Variants in SLC13A3 observed in about 807,000 individuals in gnomAD.
The protein encoded by SLC13A3 is Na(+)/dicarboxylate cotransporter 3.
SLC13A3 carries 40 observed loss-of-function variants against 59.0 expected under a neutral mutation model. The observed-to-expected ratio is 0.68, with a 90% CI of 0.53 to 0.88. The LOEUF is 0.88. SLC13A3 is among the 40% of genes least tolerant of loss of function. The pLI is 0.00. For missense variants in SLC13A3, 699 were observed against 783.2 expected, an observed-to-expected ratio of 0.89 and a Z score of 1.28; for synonymous variants, 317 against 330.3, an observed-to-expected ratio of 0.96 and a Z score of 0.44.
chr20:46,560,042 C>T lies in SLC13A3; in HGVS notation c.1789G>A (p.Asp597Asn). The T allele has an allele frequency of 6.2e-7, 1 of 1,614,076 alleles. No individual in the cohort carries two copies. Among genetic ancestry groups the T allele is most frequent in the Non-Finnish European group, 8.5e-7 (1 of 1,180,002 alleles). Residue 597 changes from aspartate (D) to asparagine (N), a missense_variant, in exon 13 of 13, where the codon GAC becomes AAC. Coordinates refer to ENST00000279027, the MANE Select transcript of SLC13A3 (RefSeq NM_022829.6). ...VTALPPTLANDTFRTL is the reference protein window; with the variant it reads ...VTALPPTLANNTFRTL ...GGGACTCAGAGGGTCCGAAATGTGT[C>T]ATTGGCCAAGGTGGGTGGCAATGCT...
In SLC13A3 at chr20:46,613,674, C is replaced by T. The variant is rs199733679; in HGVS notation, c.163G>A (p.Glu55Lys). The T allele has an allele frequency of 2.2e-5, 36 of 1,611,344 alleles. No homozygotes were observed. In the East Asian group the frequency reaches 8.1e-4, roughly 36 times the overall value. ...GCCGTCACTGAGAGCGGCAGGGCCT[C>T]CGTGCACCAGTACACCGCCATGAGC... The part of the protein sequence containing the change: ...ILLMAVYWCT[E>K]ALPLSVTALL... The change falls in exon 2 of 13, where the codon GAG becomes AAG. Residue 55 changes from glutamate to lysine, a missense_variant. Physicochemically the swap from Glu to Lys is moderately conservative, Grantham distance 56. Coordinates refer to ENST00000279027, the MANE Select transcript of SLC13A3 (RefSeq NM_022829.6).
upstream of SLC13A3, among the ~76,000 whole-genome samples, chr20:46,654,162 C>T (rs753065739): frequency 6.6e-6 from 1 of 152,010 alleles, no homozygotes. Context: ...AAGTGGTATC[C>T]CACTGTGATT....
intron 1 of SLC13A3, among the ~76,000 whole-genome samples, chr20:46,639,970 C>G (rs1331416925): frequency 2.0e-5 from 3 of 152,160 alleles, no homozygotes; most frequent in Admixed American, 1.3e-4. Context: ...GTGAGGGAAC[C>G]ACTCGGTGCC....
chr20:46,619,673 C>T (rs117321124), intron 1 of SLC13A3, among the ~76,000 whole-genome samples: 2,210 of 152,302 alleles, frequency 0.015, 25 homozygotes, highest in Non-Finnish European at 0.02. Context: ...CAGCAGTCTA[C>T]GCTGCTTGTC....
upstream of SLC13A3, among the ~76,000 whole-genome samples, chr20:46,670,428 C>T (rs1047579968): frequency 2.6e-5 from 4 of 152,224 alleles, no homozygotes; most frequent in Non-Finnish European, 5.9e-5. Context: ...TCCCCTCCCA[C>T]ACTGACTCTG....
intron 3 of SLC13A3, among the ~76,000 whole-genome samples, 190 bp from the exon 4 acceptor site, chr20:46,600,227 A>C (rs1379427539): frequency 1.3e-4 from 11 of 87,914 alleles, no homozygotes; most frequent in Non-Finnish European, 2.4e-4. Flanking sequence ...AGAGAGGGGG[A>C]GGGAGGGAGG....
chr20:46,615,586 G>T (rs994319275), intron 1 of SLC13A3, among the ~76,000 whole-genome samples: 1 of 152,232 alleles, frequency 6.6e-6, no homozygotes, highest in Non-Finnish European at 1.5e-5. Flanking sequence ...TTGGCTGATA[G>T]ATCTGTTGTG....
At chr20:46,654,440 T>C (rs1034144214), upstream of SLC13A3, among the ~76,000 whole-genome samples, 1 of 152,232 alleles carries the variant, frequency 6.6e-6, no homozygotes, top group Non-Finnish European at 1.5e-5. Context: ...CCCTTTGCCT[T>C]ACCCAGTTTA....
At chr20:46,635,459 C>T (rs576838314) in intron 1 of SLC13A3, among the ~76,000 whole-genome samples, 1 of 152,190 alleles carries the variant, frequency 6.6e-6, no homozygotes, top group Non-Finnish European at 1.5e-5. Context: ...AGGGCTTGCT[C>T]CTTCACCTTC....
chr20:46,581,054 T>C (rs2146108808), intron 9 of SLC13A3, among the ~76,000 whole-genome samples: 1 of 152,308 alleles, frequency 6.6e-6, no homozygotes, highest in South Asian at 2.1e-4. Context: ...GTAGCCCCAC[T>C]CCACAAGAAG....
At chr20:46,651,466 C>T (rs2062951818), upstream of SLC13A3, 2 of 1,375,362 alleles carry the variant, frequency 1.5e-6, no homozygotes, top group East Asian at 3.1e-5. Flanking sequence ...GACTGCCCCG[C>T]CTGGCCCCGG....
intron 4 of SLC13A3, among the ~76,000 whole-genome samples, chr20:46,599,003 G>C (rs1249492159): frequency 6.6e-6 from 1 of 152,162 alleles, no homozygotes; most frequent in South Asian, 2.1e-4. Flanking sequence ...ATCTTCTTGT[G>C]ATGACTTCCC....
chr20:46,565,790 G>A (rs2146080413), intron 11 of SLC13A3, among the ~76,000 whole-genome samples: 1 of 152,308 alleles, frequency 6.6e-6, no homozygotes, highest in African/African-American at 2.4e-5. Context: ...TACACACCCT[G>A]TAGTGCACGG....
chr20:46,586,003 T>C (rs911020188), intron 8 of SLC13A3, among the ~76,000 whole-genome samples: 1 of 152,186 alleles, frequency 6.6e-6, no homozygotes, highest in African/African-American at 2.4e-5. Flanking sequence ...AACTGACATG[T>C]GCTTTAAATG....
intron 10 of SLC13A3, among the ~76,000 whole-genome samples, chr20:46,567,624 G>T (rs1457241012): frequency 6.6e-6 from 1 of 150,738 alleles, no homozygotes. Flanking sequence ...GGGTAGAGAA[G>T]TTCACCGAGA....
chr20:46,630,478 G>A (rs1043683043), intron 1 of SLC13A3, among the ~76,000 whole-genome samples: 7 of 152,206 alleles, frequency 4.6e-5, no homozygotes, highest in Admixed American at 1.3e-4. Context: ...AGAAGCATGC[G>A]CCACTCTTGA....
chr20:46,581,071 C>T (rs1481902548), intron 9 of SLC13A3, among the ~76,000 whole-genome samples: 1 of 152,254 alleles, frequency 6.6e-6, no homozygotes, highest in Non-Finnish European at 1.5e-5. Context: ...GAAGCAGAAC[C>T]TCTGCTGCTG....
intron 8 of SLC13A3, among the ~76,000 whole-genome samples, chr20:46,584,819 A>G (rs1186600743): frequency 6.6e-6 from 1 of 152,206 alleles, no homozygotes; most frequent in African/African-American, 2.4e-5. Flanking sequence ...TACACAGATT[A>G]TGTGCAACGA....
At chr20:46,580,428 A>G (rs1179162758) in intron 9 of SLC13A3, among the ~76,000 whole-genome samples, 1 of 149,874 alleles carries the variant, frequency 6.7e-6, no homozygotes, top group South Asian at 2.1e-4. Flanking sequence ...ATCTGGAGAA[A>G]AATATAGGTC....
Sources: gnomAD v4.1 joint callset for allele counts (sites outside exome capture counted in the v4.1 genomes callset) on GRCh38, gnomAD v4.1.1 for gene constraint, MANE v1.5 for transcripts, NCBI Gene and HGNC (gene_info 2026-07-23, HGNC 2026-07-21) for gene names.